SERPINF2: variants seen among roughly 807,000 people sequenced by gnomAD.
SERPINF2 encodes serpin family F member 2, also known as alpha-2-antiplasmin.
Under a neutral mutation model 45.0 loss-of-function variants are expected in SERPINF2, and 15 were observed. That is an observed-to-expected ratio of 0.33 (90% CI 0.22 to 0.51). SERPINF2 has a LOEUF of 0.51. Ranked by LOEUF, SERPINF2 falls within the 20% of genes least tolerant of loss-of-function variation. The pLI, the probability that SERPINF2 is intolerant of heterozygous loss-of-function variation, is 0.97. For synonymous variants in SERPINF2, 283 were observed against 277.9 expected, an observed-to-expected ratio of 1.02 and a Z score of -0.18; for missense variants, 518 against 637.4, an observed-to-expected ratio of 0.81 and a Z score of 2.02.
intron 8 of SERPINF2, among the ~76,000 whole-genome samples, chr17:1,751,772 A>G (rs1362402968): frequency 7.3e-6 from 1 of 136,606 alleles, no homozygotes; most frequent in Non-Finnish European, 1.7e-5. Context: ...AGAAAAAAAA[A>G]GAAATCTTAA....
At position 1,754,700 on chromosome 17, in the gene SERPINF2, G is replaced by C; in HGVS notation, c.*166G>C. Reference sequence around the variant, plus strand: ...GAGTTTAGGGTGGGGGGGGGGCGCGGCTGGGAGGAGGGCAGGCATCGGGGA... The same window carrying C: ...GAGTTTAGGGTGGGGGGGGGGCGCGCCTGGGAGGAGGGCAGGCATCGGGGA... On this transcript the variant is annotated 3_prime_UTR_variant, in exon 10 of 10. Coordinates refer to ENST00000453066, the MANE Select transcript of SERPINF2 (RefSeq NM_000934.4). 4.0e-6 allele frequency: 2 copies of C among 498,258 alleles called. No individual in the cohort carries two copies. The highest frequency in any genetic ancestry group is 6.6e-6 in the Non-Finnish European group (2 of 302,190). The allele number at this position is 498,258 out of a possible 1,614,324, so 30.9% of individuals were successfully genotyped here.
chr17:1,743,815 T>C (rs1905529227), intron 1 of SERPINF2, among the ~76,000 whole-genome samples: 1 of 151,662 alleles, frequency 6.6e-6, no homozygotes, highest in Non-Finnish European at 1.5e-5. Flanking sequence ...CAGGGCAGGC[T>C]TCCCAGAAGA....
At chr17:1,743,810 C>T (rs1567736488) in intron 1 of SERPINF2, among the ~76,000 whole-genome samples, 1 of 151,414 alleles carries the variant, frequency 6.6e-6, no homozygotes, top group Non-Finnish European at 1.5e-5. Context: ...GGCTTCAGGG[C>T]AGGCTTCCCA....
At position 1,745,437 on chromosome 17, in the gene SERPINF2, G is replaced by A. The variant is rs769513029; in HGVS notation, c.165+42G>A. 8 of 1,601,492 alleles carry A rather than the reference G, an allele frequency of 5.0e-6. No individual in the cohort carries two copies. Among genetic ancestry groups the A allele is most frequent in the Non-Finnish European group, 8.5e-7 (1 of 1,172,430 alleles). The stretch of plus-strand genomic sequence containing the variant: ...CTGGGGAAGAGTGGGCGGGGCTAGA[G>A]GGAGGAGGGCCCATCGGCAGGGGTC... On this transcript the variant is annotated intron_variant, in intron 4 of 9. Transcript: ENST00000453066. The surrounding 1 kb of genome is among the most constrained non-coding windows in gnomAD (Gnocchi z 6.2).
At chr17:1,744,315 A>C (rs1905588912) in intron 1 of SERPINF2, among the ~76,000 whole-genome samples, 3 of 151,862 alleles carry the variant, frequency 2.0e-5, no homozygotes, top group Admixed American at 2.0e-4. Context: ...TAACACAGAG[A>C]AACCCCGTTT....
At position 1,748,252 on chromosome 17, in the gene SERPINF2, G is replaced by A. The variant is rs112785543; in HGVS notation, c.716-346G>A. Among the ~76,000 whole-genome samples the A allele has an allele frequency of 3.4e-3, 522 of 151,812 alleles. 4 individuals are homozygous for A. The highest frequency in any genetic ancestry group is 0.012 in the African/African-American group (495 of 41,380). On this transcript the variant is annotated intron_variant, in intron 7 of 9. Transcript: ENST00000453066. ...GGAGGCGGTGGAGCTTGCAGTGAGC[G>A]GAGGTCGTGCCACTGCACTCCAGCC...
intron 8 of SERPINF2, among the ~76,000 whole-genome samples, chr17:1,749,957 C>A (rs1906214803): frequency 6.6e-6 from 1 of 150,958 alleles, no homozygotes; most frequent in South Asian, 2.1e-4. Context: ...TTGCGTGGAA[C>A]ATTCTGATTG....
At position 1,754,658 on chromosome 17, in the gene SERPINF2, T is replaced by TC; in HGVS notation, c.*127dup. ...GGGCAGTCTGAGAGAGGCCATTCTT[T>TC]CCCAACACCTCTTGGGGAGTTTAGG... On this transcript the variant is annotated 3_prime_UTR_variant, in exon 10 of 10. Coordinates refer to ENST00000453066, the MANE Select transcript of SERPINF2 (RefSeq NM_000934.4). The TC allele has an allele frequency of 1.5e-6, 1 of 661,526 alleles. No individual in the cohort carries two copies. Among genetic ancestry groups the TC allele is most frequent in the Non-Finnish European group, 2.2e-6 (1 of 444,776 alleles). The allele number at this position is 661,526 out of a possible 1,614,324, so 41.0% of individuals were successfully genotyped here. A position where few individuals can be genotyped will look rare whatever the true frequency, so the allele number is the denominator to read the frequency against.
chr17:1,742,984 C>T (rs1036698369), intron 1 of SERPINF2, 76 bp downstream of exon 1: 16 of 985,334 alleles, frequency 1.6e-5, no homozygotes, highest in African/African-American at 3.5e-5. Flanking sequence ...GCTGAGGGGT[C>T]TGGGATTTAT....
intron 8 of SERPINF2, among the ~76,000 whole-genome samples, chr17:1,749,834 C>T (rs1047839766): frequency 7.9e-5 from 12 of 152,054 alleles, no homozygotes; most frequent in Non-Finnish European, 1.6e-4. Context: ...GACCACCCCA[C>T]GGCCATGTAG....
chr17:1,750,503 A>G (rs1395528001), intron 8 of SERPINF2, among the ~76,000 whole-genome samples: 1 of 150,790 alleles, frequency 6.6e-6, no homozygotes, highest in Non-Finnish European at 1.5e-5. Flanking sequence ...GGCCAGGCTG[A>G]TCTCAAACTC....
At chr17:1,750,121 G>GCC (rs1906240588) in intron 8 of SERPINF2, among the ~76,000 whole-genome samples, 2 of 151,816 alleles carry the variant, frequency 1.3e-5, no homozygotes, top group South Asian at 2.1e-4. Flanking sequence ...CTACAGGCAT[G>GCC]CACCACCACG....
chr17:1,743,332 C>A (rs971044013), intron 1 of SERPINF2, among the ~76,000 whole-genome samples: 10 of 152,248 alleles, frequency 6.6e-5, no homozygotes, highest in Non-Finnish European at 1.3e-4. Context: ...GGTCAAAAGG[C>A]AGCTCTCTGG....
At position 1,754,679 on chromosome 17, in the gene SERPINF2, TTA is replaced by T; in HGVS notation, c.*146_*147del. 7 of 342,446 alleles carry T rather than the reference TTA, an allele frequency of 2.0e-5. No individual in the cohort carries two copies. Among genetic ancestry groups the T allele is most frequent in the South Asian group, 3.5e-5 (1 of 28,460 alleles). The allele number at this position is 342,446 out of a possible 1,614,324, so 21.2% of individuals were successfully genotyped here. A position where few individuals can be genotyped will look rare whatever the true frequency, so the allele number is the denominator to read the frequency against. ...TCTTTCCCAACACCTCTTGGGGAGTTTAGGGTGGGGGGGGGGCGCGGCTGGGA... is the reference window on the plus strand; with the variant it reads ...TCTTTCCCAACACCTCTTGGGGAGTTGGGTGGGGGGGGGGCGCGGCTGGGA... On this transcript the variant is annotated 3_prime_UTR_variant, in exon 10 of 10. Transcript: ENST00000453066.
At chr17:1,746,993 G>T in intron 5 of SERPINF2, 26 bp from the exon 6 acceptor site, 4 of 1,601,124 alleles carry the variant, frequency 2.5e-6, no homozygotes, top group Non-Finnish European at 8.5e-7. Context: ...CCGCAGCCGG[G>T]CCTCAGCCTG....
chr17:1,743,674 C>T (rs1857607239), intron 1 of SERPINF2, among the ~76,000 whole-genome samples: 1 of 138,362 alleles, frequency 7.2e-6, no homozygotes, highest in South Asian at 2.4e-4. Flanking sequence ...GAGATCGTGC[C>T]ATTGCACTCC....
At position 1,745,627 on chromosome 17, in the gene SERPINF2, C is replaced by A; in HGVS notation, c.166-81C>A. The A allele has an allele frequency of 7.1e-7, 1 of 1,416,416 alleles. No individual in the cohort carries two copies. The highest frequency in any genetic ancestry group is 1.2e-5 in the South Asian group (1 of 86,196). 87.7% of individuals were successfully genotyped at this position (1,416,416 alleles called of 1,614,324 possible). ...GGGACAAGGCCCTGCTGTCCTCAGG[C>A]ACAGGGGCTGTGACAAGGCCTTCAA... On this transcript the variant is annotated intron_variant, in intron 4 of 9. Coordinates refer to ENST00000453066, the MANE Select transcript of SERPINF2 (RefSeq NM_000934.4). This position sits in a 1 kb window ranked among gnomAD's most constrained non-coding sequence, Gnocchi z 6.2.
Position 1,745,181 on chromosome 17 carries a change from C to G in SERPINF2, c.70C>G (p.Pro24Ala). ...CTCATCCCTTTCTCCACAGTTCTCC[C>G]CTGTGAGCGCCATGGAGCCCTTGGG... ...CLQGPCSVFSPVSAMEPLGRQ... is the reference protein window; with the variant it reads ...CLQGPCSVFSAVSAMEPLGRQ... Residue 24 changes from proline (P) to alanine (A), a missense_variant, in exon 3 of 10, where the codon CCT (proline) becomes GCT (alanine). Pro to Ala is a conservative substitution (Grantham distance 27, BLOSUM62 -1). Coordinates refer to ENST00000453066, the MANE Select transcript of SERPINF2 (RefSeq NM_000934.4). This position sits in a 1 kb window ranked among gnomAD's most constrained non-coding sequence, Gnocchi z 6.2. 6.4e-7 allele frequency: 1 copy of G among 1,569,580 alleles called. No homozygotes were observed. Among genetic ancestry groups the G allele is most frequent in the Non-Finnish European group, 8.6e-7 (1 of 1,157,574 alleles).
intron 1 of SERPINF2, 141 bp from the exon 2 acceptor site, chr17:1,744,851 G>T: frequency 6.5e-7 from 1 of 1,542,172 alleles, no homozygotes. Flanking sequence ...TGTGTTTGGG[G>T]TCTGTTCTGA....
Sources: allele counts gnomAD v4.1 joint callset (sites outside exome capture counted in the v4.1 genomes callset), GRCh38; gene constraint gnomAD v4.1.1; non-coding constraint Gnocchi (gnomAD v3.1); transcripts MANE v1.5; gene names NCBI Gene and HGNC (gene_info 2026-07-23, HGNC 2026-07-21).